OGFOD2: variants seen among roughly 807,000 people sequenced by gnomAD.
OGFOD2 encodes the protein 2-oxoglutarate and iron-dependent oxygenase domain-containing protein 2.
Under a neutral mutation model 31.1 loss-of-function variants are expected in OGFOD2, and 34 were observed. That is an observed-to-expected ratio of 1.09 (90% confidence interval 0.83 to 1.45). The LOEUF (loss-of-function observed/expected upper bound fraction) is 1.45, where lower values mean the gene tolerates loss of function less well. Ranked by LOEUF, OGFOD2 falls within the 40% of genes most tolerant of loss-of-function variation. OGFOD2 has a pLI of 0.00. For missense variants in OGFOD2, 537 were observed against 433.9 expected (o/e 1.24, Z -2.11); for synonymous variants, 240 against 192.3 (o/e 1.25, Z -2.05).
chr12:122,978,585 C>A lies in OGFOD2; in HGVS notation c.531+16C>A, dbSNP rs2037502583. On this transcript the variant is annotated intron_variant, in intron 5 of 6. Coordinates refer to ENST00000228922, the Ensembl canonical transcript of OGFOD2. ...CAACTACGGGGTGGGTGAGGCCTGG[C>A]CGGTGGCAGAGGAGGGGGTGGCTGG... 4 of 1,607,894 alleles carry A rather than the reference C, an allele frequency of 2.5e-6. No individual in the cohort carries two copies. In the East Asian group the frequency reaches 9.0e-5, roughly 36 times the overall value.
chr12:122,977,026 T>G, intron 4 of OGFOD2, 56 bp downstream of exon 4: 1 of 1,531,452 alleles, frequency 6.5e-7, no homozygotes, highest in Non-Finnish European at 9.0e-7. Flanking sequence ...CTGGGAAACC[T>G]GGGTGTGGGA....
At chr12:122,976,332 T>C in intron 2 of OGFOD2, 1 of 1,605,836 alleles carries the variant, frequency 6.2e-7, no homozygotes, top group Non-Finnish European at 8.5e-7. Context: ...AGGAGAGTCC[T>C]CAGCAACCTC....
intron 2 of OGFOD2, 61 bp from the exon 3 acceptor site, chr12:122,976,593 C>A: frequency 7.4e-7 from 1 of 1,355,010 alleles, no homozygotes; most frequent in Non-Finnish European, 1.1e-6. Flanking sequence ...GTTTCTTCAT[C>A]TGTACAGTGG....
exon 2 of OGFOD2, chr12:122,975,836 G>A (rs1315316883): frequency 2.8e-6 from 2 of 702,944 alleles, no homozygotes; most frequent in South Asian, 3.0e-5. Context: ...GGCTGTGTTA[G>A]CGCCAAGGAC....
chr12:122,976,404 A>C, intron 2 of OGFOD2: 4 of 1,613,830 alleles, frequency 2.5e-6, no homozygotes, highest in Non-Finnish European at 3.4e-6. Flanking sequence ...TGGTTGAGGT[A>C]CATCTAGGGG....
Position 122,976,933 on chromosome 12 carries a change from C to A in OGFOD2, c.366C>A (p.Asp122Glu), listed in dbSNP as rs1218575149. The stretch of plus-strand genomic sequence containing the variant: ...AGTACAGCGTGTCCCCAGACGCAGA[C>A]CTCAAGGGCCTTCTCCAGCGGCTGG... Residue 122 changes from aspartate (D) to glutamate (E), a missense_variant, in exon 4 of 7, where the codon GAC becomes GAA. By Grantham distance (45) the Asp-to-Glu change is conservative (BLOSUM62 2). Coordinates refer to ENST00000228922, the Ensembl canonical transcript of OGFOD2. The A allele has an allele frequency of 1.9e-6, 3 of 1,613,732 alleles. No homozygotes were observed. The African/African-American group carries it at 4.0e-5, about 22-fold the overall frequency.
chr12:122,976,141 C>A, intron 2 of OGFOD2: 1 of 594,138 alleles, frequency 1.7e-6, no homozygotes, highest in South Asian at 2.0e-5. Flanking sequence ...GATTGAGAAG[C>A]TGAGGCTTAA....
At chr12:122,980,019 A>C in exon 7 of OGFOD2, 2 of 437,744 alleles carry the variant, frequency 4.6e-6, no homozygotes, top group Non-Finnish European at 7.6e-6. Context: ...AAATGCGCTG[A>C]CGTATATAAA....
At chr12:122,978,801 C>G (rs1327053289) in exon 6 of OGFOD2, 4 of 1,612,136 alleles carry the variant, frequency 2.5e-6, no homozygotes, top group Non-Finnish European at 3.4e-6. Flanking sequence ...GACACCACTG[C>G]GGGAGCGCTT....
rs2037376167 is a variant in OGFOD2, at chr12:122,975,230, G to A, written c.-22G>A. The A allele has an allele frequency of 1.6e-6, 1 of 629,504 alleles. No homozygotes were observed. The highest frequency in any genetic ancestry group is 2.9e-6 in the Non-Finnish European group (1 of 340,792). 39.0% of individuals were successfully genotyped at this position (629,504 alleles called of 1,614,324 possible). A position where few individuals can be genotyped will look rare whatever the true frequency, so the allele number is the denominator to read the frequency against. ...GCCCGAAGTCTCTCTACGGAAGCTG[G>A]TAGGGCTGTGGGTGCTTCACTATGG... is the stretch of plus-strand genomic sequence containing the variant. On this transcript the variant is annotated 5_prime_UTR_variant, in exon 1 of 7. Coordinates refer to ENST00000228922, the Ensembl canonical transcript of OGFOD2.
chr12:122,976,654 C>T, exon 3 of OGFOD2: 1 of 1,589,220 alleles, frequency 6.3e-7, no homozygotes, highest in Non-Finnish European at 8.6e-7. Context: ...GCCACCCCAG[C>T]TTGAGCAGGA....
chr12:122,976,198 C>T, intron 2 of OGFOD2: 2 of 604,744 alleles, frequency 3.3e-6, no homozygotes, highest in Admixed American at 5.7e-5. Context: ...AGATGTGATC[C>T]CAGCCACAGC....
At position 122,978,519 on chromosome 12, in the gene OGFOD2, G is replaced by C. The variant is rs765669043; in HGVS notation, c.481G>C (p.Glu161Gln). The change falls in exon 5 of 7, where the codon GAG becomes CAG. Residue 161 changes from glutamate (E) to glutamine (Q), a missense_variant. Coordinates refer to ENST00000228922, the Ensembl canonical transcript of OGFOD2. ...CCTGCTGGAAGAGCTGGAGCACTTC[G>C]AGCAATCGGACATGCCTAAGGGGAG... 5.0e-6 allele frequency: 8 copies of C among 1,613,462 alleles called. No individual in the cohort carries two copies. The highest frequency in any genetic ancestry group is 4.0e-5 in the African/African-American group (3 of 75,060).
intron 4 of OGFOD2, 90 bp from the exon 5 acceptor site, chr12:122,978,352 T>G: frequency 6.6e-7 from 1 of 1,525,116 alleles, no homozygotes; most frequent in Non-Finnish European, 9.0e-7. Flanking sequence ...CTCATCTCCA[T>G]GGCACAGGTG....
At chr12:122,975,318 G>C (rs1194313962) in exon 1 of OGFOD2, 1 of 702,272 alleles carries the variant, frequency 1.4e-6, no homozygotes, top group Non-Finnish European at 2.6e-6. Flanking sequence ...TAACTTGTAC[G>C]TGGCGCGCTA....
intron 4 of OGFOD2, chr12:122,977,673 T>C (rs984320359): frequency 6.4e-6 from 1 of 156,126 alleles, no homozygotes; most frequent in Non-Finnish European, 1.4e-5. Flanking sequence ...TGTTTCCTAT[T>C]CTTATTGGCA....
At chr12:122,977,217 A>G in intron 4 of OGFOD2, 1 of 528,646 alleles carries the variant, frequency 1.9e-6, no homozygotes, top group Non-Finnish European at 3.5e-6. Context: ...TCCAGCAAAT[A>G]GTGGATATTT....
At chr12:122,978,866 C>T in exon 6 of OGFOD2, 1 of 1,611,620 alleles carries the variant, frequency 6.2e-7, no homozygotes. Flanking sequence ...GCCGGCTCGA[C>T]AGCCACCGGG....
At chr12:122,976,711 G>A (rs764898167) in exon 3 of OGFOD2, 1 of 1,613,868 alleles carries the variant, frequency 6.2e-7, no homozygotes, top group Admixed American at 1.7e-5. Flanking sequence ...AGCTAGGAAA[G>A]CCCTCATCGC....
Sources: gnomAD v4.1 joint callset for allele counts on GRCh38, gnomAD v4.1.1 for gene constraint, MANE v1.5 for transcripts, NCBI Gene and HGNC (gene_info 2026-07-23, HGNC 2026-07-21) for gene names.